PSTPIP1: variants seen among roughly 807,000 people sequenced by gnomAD.
PSTPIP1 encodes proline-serine-threonine phosphatase interacting protein 1, also known as proline-serine-threonine phosphatase-interacting protein 1.
Under a neutral mutation model 69.6 loss-of-function variants are expected in PSTPIP1, and 66 were observed. That is an observed-to-expected ratio of 0.95 (90% CI 0.78 to 1.16). The LOEUF (loss-of-function observed/expected upper bound fraction) is 1.16. Ranked by LOEUF, PSTPIP1 falls within the 50% of genes most tolerant of loss-of-function variation. The pLI is 0.00. For synonymous variants in PSTPIP1, 266 were observed against 222.7 expected (o/e 1.19, Z -1.73); for missense variants, 603 against 557.4 (o/e 1.08, Z -0.82).
At chr15:77,025,849 T>G (rs2076269367) in intron 5 of PSTPIP1, among the ~76,000 whole-genome samples, 1 of 152,162 alleles carries the variant, frequency 6.6e-6, no homozygotes. Flanking sequence ...CCTGTCGAGC[T>G]GCCTCACGCC....
intron 11 of PSTPIP1, 33 bp from the exon 12 acceptor site, chr15:77,032,829 G>C (rs939345232): frequency 3.3e-6 from 5 of 1,533,272 alleles, no homozygotes; most frequent in Non-Finnish European, 4.4e-6. Context: ...GGTGTTGGGG[G>C]CCGCCCTGGG....
chr15:77,032,826 G>A (rs1177211834), intron 11 of PSTPIP1, 36 bp from the exon 12 acceptor site: 3 of 1,530,022 alleles, frequency 2.0e-6, no homozygotes, highest in East Asian at 2.4e-5. Flanking sequence ...TGGGGTGTTG[G>A]GGGCCGCCCT....
chr15:77,021,544 T>G (rs2076162148), intron 3 of PSTPIP1, among the ~76,000 whole-genome samples: 1 of 152,120 alleles, frequency 6.6e-6, no homozygotes. Flanking sequence ...TTGGGCATGG[T>G]GACGCGAGCC....
Position 77,032,282 on chromosome 15 carries a change from C to G in PSTPIP1, c.742-16C>G. 5 of 1,611,618 alleles carry G rather than the reference C, an allele frequency of 3.1e-6. No individual in the cohort carries two copies. The highest frequency in any genetic ancestry group is 4.2e-6 in the Non-Finnish European group (5 of 1,179,134). ...AGTGGGCATCGGGCTGCGGCCTCTG[C>G]TCTTTCCTGCCCCAGCTCTACGAGG... On this transcript the variant is annotated splice_polypyrimidine_tract_variant and intron_variant, in intron 10 of 14. Coordinates refer to ENST00000558012, the MANE Select transcript of PSTPIP1 (RefSeq NM_003978.5).
chr15:76,995,342 T>G lies in PSTPIP1; in HGVS notation c.-232T>G, dbSNP rs2075552332. On this transcript the variant is annotated 5_prime_UTR_variant, in exon 1 of 15. Coordinates refer to ENST00000558012, the MANE Select transcript of PSTPIP1 (RefSeq NM_003978.5). ...CCCTCCCATCACTGAGCTCCACTCC[T>G]TCCTCATTTTGCTGCTGATTCTAGC... The G allele has an allele frequency of 7.0e-7, 1 of 1,421,812 alleles. No individual in the cohort carries two copies. The highest frequency in any genetic ancestry group is 9.2e-7 in the Non-Finnish European group (1 of 1,090,758). The allele number at this position is 1,421,812 out of a possible 1,614,324, so 88.1% of individuals were successfully genotyped here. A position where few individuals can be genotyped will look rare whatever the true frequency, so the allele number is the denominator to read the frequency against.
rs2076605280 is a variant in PSTPIP1, at chr15:77,037,285, G to GA, written c.*110dup. 7.1e-7 allele frequency: 1 copy of GA among 1,404,046 alleles called. No homozygotes were observed. The highest frequency in any genetic ancestry group is 9.6e-7 in the Non-Finnish European group (1 of 1,045,960). The allele number at this position is 1,404,046 out of a possible 1,614,324, so 87.0% of individuals were successfully genotyped here. ...AGAACCAAGCGTCCCCCAGCCCCGAGAGGGAGCCTGTCGTCTCCCAGGGAA... is the reference window on the plus strand; with the variant it reads ...AGAACCAAGCGTCCCCCAGCCCCGAGAAGGGAGCCTGTCGTCTCCCAGGGAA... On this transcript the variant is annotated 3_prime_UTR_variant, in exon 15 of 15. Coordinates refer to ENST00000558012, the MANE Select transcript of PSTPIP1 (RefSeq NM_003978.5).
chr15:77,028,376 C>T (rs578074157), intron 6 of PSTPIP1, 178 bp from the exon 7 acceptor site: 55 of 566,034 alleles, frequency 9.7e-5, no homozygotes, highest in South Asian at 2.8e-4. Context: ...TACCAGCAGC[C>T]CCCACGCCTT....
chr15:77,031,441 CAA>C, intron 10 of PSTPIP1, 163 bp downstream of exon 10: 5 of 648,908 alleles, frequency 7.7e-6, no homozygotes, highest in Non-Finnish European at 1.3e-5. Flanking sequence ...CCCAGAACCC[CAA>C]GACAGGAGCT....
intron 1 of PSTPIP1, among the ~76,000 whole-genome samples, chr15:76,999,821 C>T (rs890761111): frequency 1.3e-5 from 2 of 152,188 alleles, no homozygotes; most frequent in African/African-American, 2.4e-5. Flanking sequence ...CCCCATCCCC[C>T]GCAACCTGTA....
intron 1 of PSTPIP1, among the ~76,000 whole-genome samples, chr15:77,017,246 A>C (rs1369277281): frequency 6.6e-6 from 1 of 152,028 alleles, no homozygotes; most frequent in Non-Finnish European, 1.5e-5. Context: ...CATAGTCCTT[A>C]AAGACTACCT....
intron 6 of PSTPIP1, chr15:77,028,253 C>A (rs2076331730): frequency 2.0e-6 from 1 of 492,944 alleles, no homozygotes; most frequent in Admixed American, 3.6e-5. Context: ...TAAGAGGGCG[C>A]GGCGTGGCGA....
At chr15:77,011,934 G>C (rs1255103806) in intron 1 of PSTPIP1, among the ~76,000 whole-genome samples, 1 of 152,078 alleles carries the variant, frequency 6.6e-6, no homozygotes, top group African/African-American at 2.4e-5. Flanking sequence ...CCTGGCTTGG[G>C]CTGGGAAATG....
chr15:77,018,607 C>A, intron 3 of PSTPIP1, 76 bp downstream of exon 3: 2 of 1,409,916 alleles, frequency 1.4e-6, no homozygotes, highest in Non-Finnish European at 1.9e-6. Context: ...AGGTTTAGGT[C>A]TTCCTGGCAT....
intron 1 of PSTPIP1, chr15:77,015,748 C>T (rs182512082): frequency 1.4e-4 from 52 of 358,868 alleles, no homozygotes; most frequent in African/African-American, 8.3e-4. Flanking sequence ...AGGAGGAGGG[C>T]GCGGGCTGGG....
In PSTPIP1 at chr15:77,020,878, G is replaced by C. The variant is rs200778419; in HGVS notation, c.212+2347G>C. Among the ~76,000 whole-genome samples, 80 of 144,354 alleles carry C rather than the reference G, an allele frequency of 5.5e-4. 1 individual carries two copies. The South Asian group carries it at 0.016, about 28-fold the overall frequency. 94.7% of individuals were successfully genotyped at this position (144,354 alleles called of 152,430 possible). A position where few individuals can be genotyped will look rare whatever the true frequency, so the allele number is the denominator to read the frequency against. On this transcript the variant is annotated intron_variant, in intron 3 of 14. Transcript: ENST00000558012. ...CATCTTAGACTCCTGTGGGGGGGGG[G>C]GGTGTGTGTGTTGGCCCTCAGGAAA...
intron 1 of PSTPIP1, among the ~76,000 whole-genome samples, chr15:77,013,655 C>G (rs1349706213): frequency 6.6e-6 from 1 of 152,222 alleles, no homozygotes. Flanking sequence ...GGGCTCCTCT[C>G]TCCCTGTCAG....
At chr15:76,996,492 C>T (rs1342304714) in intron 1 of PSTPIP1, among the ~76,000 whole-genome samples, 2 of 152,240 alleles carry the variant, frequency 1.3e-5, no homozygotes, top group African/African-American at 2.4e-5. Flanking sequence ...TGCCTCCAAC[C>T]CCGAAGAGGA....
intron 1 of PSTPIP1, among the ~76,000 whole-genome samples, chr15:77,003,122 A>AC (rs1447715345): frequency 6.6e-6 from 1 of 152,048 alleles, no homozygotes; most frequent in Non-Finnish European, 1.5e-5. Flanking sequence ...GCCTCTCTGC[A>AC]CCCTCTCTGG....
At chr15:77,031,702 TC>T (rs1295114195) in intron 10 of PSTPIP1, 1 of 184,470 alleles carries the variant, frequency 5.4e-6, no homozygotes, top group Middle Eastern at 2.5e-3. Flanking sequence ...GTGTCCTGGT[TC>T]CCCTTACTGA....
Sources: allele counts gnomAD v4.1 joint callset (sites outside exome capture counted in the v4.1 genomes callset), GRCh38; gene constraint gnomAD v4.1.1; transcripts MANE v1.5; gene names NCBI Gene and HGNC (gene_info 2026-07-23, HGNC 2026-07-21).